The following TAF4 variants were observed in gnomAD, a reference collection of about 807,000 sequenced individuals.
The protein encoded by TAF4 is TATA-box binding protein associated factor 4.
A neutral mutation model predicts 90.3 loss-of-function variants in TAF4; 9 were observed. The observed-to-expected ratio is 0.10, with a 90% CI of 0.06 to 0.17. The LOEUF is 0.17. TAF4 is among the 10% of genes least tolerant of loss of function. The pLI, the probability that TAF4 is intolerant of heterozygous loss-of-function variation, is 1.00. For synonymous variants in TAF4, 818 were observed against 638.9 expected, an observed-to-expected ratio of 1.28 and a Z score of -4.23; for missense variants, 1,351 against 1,370.7, an observed-to-expected ratio of 0.99 and a Z score of 0.23.
chr20:61,987,651 G>C (rs995952770), intron 14 of TAF4, among the ~76,000 whole-genome samples: 23 of 152,238 alleles, frequency 1.5e-4, no homozygotes, highest in African/African-American at 5.1e-4. Flanking sequence ...GCTGCTGGAA[G>C]ACAGTCTGGC....
chr20:62,036,038 A>ATT (rs1568938533), intron 1 of TAF4, among the ~76,000 whole-genome samples: 1 of 149,912 alleles, frequency 6.7e-6, no homozygotes, highest in African/African-American at 2.5e-5. Context: ...TTTTTTTAAA[A>ATT]AAAAAAAAGA....
intron 1 of TAF4, among the ~76,000 whole-genome samples, chr20:62,060,540 G>A (rs547394960): frequency 2.9e-4 from 44 of 152,362 alleles, no homozygotes; most frequent in African/African-American, 8.2e-4. Context: ...GACCCCAGCC[G>A]CGGGGCAGGG....
chr20:62,006,451 A>T lies in TAF4; in HGVS notation c.2223+59T>A, dbSNP rs972953081. ...TGAGCCGTGGCCAATTTATCTAAGA[A>T]GCGGGCGGGAGCAGAGGCACGGTGG... On this transcript the variant is annotated intron_variant, in intron 7 of 14. Coordinates refer to ENST00000252996, the MANE Select transcript of TAF4 (RefSeq NM_003185.4). This position sits in a 1 kb window ranked among gnomAD's most constrained non-coding sequence, Gnocchi z 7.0. 4 of 1,347,430 alleles carry T rather than the reference A, an allele frequency of 3.0e-6. No homozygotes were observed. Among genetic ancestry groups the T allele is most frequent in the Non-Finnish European group, 3.8e-6 (4 of 1,046,878 alleles). The allele number at this position is 1,347,430 out of a possible 1,614,324, so 83.5% of individuals were successfully genotyped here.
At chr20:62,012,399 G>A (rs1032455799) in intron 3 of TAF4, 21 of 154,762 alleles carry the variant, frequency 1.4e-4, no homozygotes, top group South Asian at 1.2e-3. Context: ...TGAGAGCGAC[G>A]CCTCGGCCAC....
chr20:61,982,016 G>A (rs1184371135), intron 14 of TAF4, among the ~76,000 whole-genome samples: 5 of 122,280 alleles, frequency 4.1e-5, no homozygotes, highest in Admixed American at 8.5e-5. Flanking sequence ...CACCCCACCC[G>A]AGAGGAGACA....
At chr20:62,033,779 A>G (rs1418706648) in intron 1 of TAF4, among the ~76,000 whole-genome samples, 2 of 151,420 alleles carry the variant, frequency 1.3e-5, no homozygotes, top group South Asian at 2.1e-4. Context: ...GAGGTGGCTC[A>G]CGCCTGTCAT....
At chr20:61,986,671 T>C (rs1443152868) in intron 14 of TAF4, among the ~76,000 whole-genome samples, 1 of 152,264 alleles carries the variant, frequency 6.6e-6, no homozygotes, top group Non-Finnish European at 1.5e-5. Context: ...GGAACTAACC[T>C]GAAGGAGCTC....
At chr20:61,999,339 A>T (rs982325952) in intron 11 of TAF4, among the ~76,000 whole-genome samples, 2 of 152,142 alleles carry the variant, frequency 1.3e-5, no homozygotes, top group Non-Finnish European at 2.9e-5. Context: ...CACTTGTGGG[A>T]GAGTGTCCCT....
intron 1 of TAF4, among the ~76,000 whole-genome samples, chr20:62,051,879 T>C (rs1313480461): frequency 6.6e-6 from 1 of 152,184 alleles, no homozygotes; most frequent in Non-Finnish European, 1.5e-5. Flanking sequence ...GTGAGGAACC[T>C]GCACCCACAG....
At chr20:61,978,614 C>CAACCAAGGCCGGGGGCAAGACG (rs2055512573) in intron 14 of TAF4, among the ~76,000 whole-genome samples, 1 of 149,908 alleles carries the variant, frequency 6.7e-6, no homozygotes, top group Non-Finnish European at 1.5e-5. Flanking sequence ...GGGGCGAGAC[C>CAACCAAGGCCGGGGGCAAGACG]AACCAAGGCC....
chr20:61,984,667 CGGG>C lies in TAF4; in HGVS notation c.3091-8335_3091-8333del, dbSNP rs1381920366. On this transcript the variant is annotated intron_variant, in intron 14 of 14. Transcript: ENST00000252996. ...GATGCAGTGACACGAGGGCAGTGCC[CGGG>C]ACATCAGCACCCAGCTGGGAAAGAG... Among the ~76,000 whole-genome samples the C allele has an allele frequency of 5.2e-4, 50 of 97,072 alleles. No homozygotes were observed. The South Asian group carries it at 6.9e-3, about 13-fold the overall frequency. 63.7% of individuals were successfully genotyped at this position (97,072 alleles called of 152,430 possible).
Position 62,009,033 on chromosome 20 carries a change from T to TAA in TAF4, c.1884+17_1884+18dup. On this transcript the variant is annotated intron_variant, in intron 5 of 14. Coordinates refer to ENST00000252996, the MANE Select transcript of TAF4 (RefSeq NM_003185.4). ...AACAGGCTTTAGGGGAAAGGGAATG[T>TAA]AAAGTCAAGGTTTCTCACCAGTAAA... The TAA allele has an allele frequency of 6.2e-7, 1 of 1,608,160 alleles. No individual in the cohort carries two copies. The highest frequency in any genetic ancestry group is 1.1e-5 in the South Asian group (1 of 89,468).
chr20:62,000,345 T>G (rs530010085), intron 10 of TAF4, 91 bp from the exon 11 acceptor site: 5 of 1,538,690 alleles, frequency 3.2e-6, no homozygotes, highest in Non-Finnish European at 3.5e-6. Context: ...TTACTGCTTT[T>G]ATACAACCCA....
At chr20:62,007,498 A>T (rs1251598845) in intron 6 of TAF4, 49 bp downstream of exon 6, 1 of 1,572,458 alleles carries the variant, frequency 6.4e-7, no homozygotes, top group Non-Finnish European at 8.7e-7. Context: ...TCTGCGCCCC[A>T]CCCCTCCCTG....
intron 1 of TAF4, among the ~76,000 whole-genome samples, chr20:62,021,772 ATGAT>A (rs1294003500): frequency 6.6e-6 from 1 of 151,990 alleles, no homozygotes; most frequent in African/African-American, 2.4e-5. Flanking sequence ...AAACAGGCAT[ATGAT>A]TAAAGTTCTA....
Position 62,041,490 on chromosome 20 carries a change from G to A in TAF4, c.1360+22961C>T, listed in dbSNP as rs116250695. Among the ~76,000 whole-genome samples the A allele has an allele frequency of 3.9e-3, 591 of 152,132 alleles. 4 individuals are homozygous for A. Among genetic ancestry groups the A allele is most frequent in the African/African-American group, 0.013 (558 of 41,504 alleles). ...TAAAAATACAAAAAATCAGCCAGGC[G>A]TGGTAGCATACGCCTGCAGTCCCAG... On this transcript the variant is annotated intron_variant, in intron 1 of 14. Coordinates refer to ENST00000252996, the MANE Select transcript of TAF4 (RefSeq NM_003185.4).
chr20:62,028,707 C>T (rs2055887441), intron 1 of TAF4, among the ~76,000 whole-genome samples: 1 of 152,162 alleles, frequency 6.6e-6, no homozygotes, highest in African/African-American at 2.4e-5. Flanking sequence ...CTAAAAAGCT[C>T]GTGAGCAGCC....
At chr20:62,061,395 A>C (rs2056087985) in intron 1 of TAF4, among the ~76,000 whole-genome samples, 1 of 152,252 alleles carries the variant, frequency 6.6e-6, no homozygotes, top group Non-Finnish European at 1.5e-5. Context: ...CCAAGGGATC[A>C]AGGCCCATGG....
intron 14 of TAF4, among the ~76,000 whole-genome samples, chr20:61,978,691 G>A (rs981669291): frequency 4.0e-5 from 6 of 151,414 alleles, no homozygotes; most frequent in Admixed American, 1.3e-4. Flanking sequence ...AACCAAGGCC[G>A]GGGGCGAGAC....
Sources: gnomAD v4.1 joint callset for allele counts (sites outside exome capture counted in the v4.1 genomes callset) on GRCh38, gnomAD v4.1.1 for gene constraint, Gnocchi (gnomAD v3.1) non-coding constraint, MANE v1.5 for transcripts, NCBI Gene and HGNC (gene_info 2026-07-23, HGNC 2026-07-21) for gene names.